Variants in GPSM2 observed in about 807,000 individuals in gnomAD.
GPSM2 encodes G protein signaling modulator 2, also known as G protein-signaling modulator 2.
A neutral mutation model predicts 78.4 loss-of-function variants in GPSM2; 58 were observed. The ratio of observed to expected loss-of-function variants is 0.74; its 90% confidence interval spans 0.60 to 0.92. The LOEUF is 0.92. Among genes scored for constraint, GPSM2 ranks in the 40% least tolerant of loss-of-function variants. The pLI is 0.00. For synonymous variants in GPSM2, 224 were observed against 280.2 expected (o/e 0.80, Z 2.00); for missense variants, 700 against 815.5 (o/e 0.86, Z 1.73).
At chr1:108,928,832 A>C (rs1397206882) in intron 14 of GPSM2, among the ~76,000 whole-genome samples, 4 of 152,056 alleles carry the variant, frequency 2.6e-5, no homozygotes, top group Non-Finnish European at 1.5e-5. Context: ...TCTACTAAAA[A>C]TACAAAAATT....
intron 2 of GPSM2, among the ~76,000 whole-genome samples, chr1:108,895,629 G>C (rs1648297699): frequency 6.6e-6 from 1 of 152,120 alleles, no homozygotes; most frequent in African/African-American, 2.4e-5. Flanking sequence ...CCTTATGAGA[G>C]TTTAATGCCT....
chr1:108,916,078 C>CAAAAA (rs59651066), intron 11 of GPSM2, among the ~76,000 whole-genome samples: 6 of 105,180 alleles, frequency 5.7e-5, no homozygotes, highest in African/African-American at 1.9e-4. Context: ...CCTGTCTATA[C>CAAAAA]AAAAAAAAAA....
chr1:108,895,245 A>G (rs977114971), intron 2 of GPSM2, among the ~76,000 whole-genome samples: 7 of 152,198 alleles, frequency 4.6e-5, no homozygotes, highest in African/African-American at 1.7e-4. Context: ...CAACTGCTCT[A>G]TTGGAGTGGC....
intron 12 of GPSM2, 59 bp from the exon 13 acceptor site, chr1:108,922,358 A>G (rs1418879735): frequency 4.0e-6 from 5 of 1,237,192 alleles, no homozygotes; most frequent in Non-Finnish European, 6.0e-6. Flanking sequence ...ATGTTCATTG[A>G]TGATCTAAAG....
intron 13 of GPSM2, 115 bp from the exon 14 acceptor site, chr1:108,923,885 G>C: frequency 1.3e-6 from 1 of 757,676 alleles, no homozygotes; most frequent in Non-Finnish European, 2.4e-6. Flanking sequence ...GGGCAGGGCG[G>C]GTCTTGGGAC....
chr1:108,913,087 T>C (rs1186250622), intron 10 of GPSM2, among the ~76,000 whole-genome samples: 16 of 152,102 alleles, frequency 1.1e-4, no homozygotes, highest in Admixed American at 1.0e-3. Context: ...TCTTGTGTGG[T>C]ATTGATGGGA....
At position 108,930,439 on chromosome 1, in the gene GPSM2, T is replaced by A. The variant is rs1447208685; in HGVS notation, c.*499T>A. On this transcript the variant is annotated 3_prime_UTR_variant, in exon 15 of 15. Coordinates refer to ENST00000264126, the MANE Select transcript of GPSM2 (RefSeq NM_013296.5). ...TTTCCTCCATGAAAATCTGTTTTTTTAGGCCAAAGTCAGTATAAAAGAAAC... is the reference window on the plus strand; with the variant it reads ...TTTCCTCCATGAAAATCTGTTTTTTAAGGCCAAAGTCAGTATAAAAGAAAC... 6.5e-6 allele frequency: 1 copy of A among 154,418 alleles called. No individual in the cohort carries two copies. Among genetic ancestry groups the A allele is most frequent in the Non-Finnish European group, 1.4e-5 (1 of 69,626 alleles). The allele number at this position is 154,418 out of a possible 1,614,324, so 9.6% of individuals were successfully genotyped here.
intron 1 of GPSM2, among the ~76,000 whole-genome samples, chr1:108,885,028 G>A (rs1172269300): frequency 6.6e-6 from 1 of 151,940 alleles, no homozygotes; most frequent in East Asian, 1.9e-4. Context: ...TTTGTTTATA[G>A]CAGAAAATAT....
chr1:108,933,800 T>C lies in GPSM2; in HGVS notation c.*3860T>C, dbSNP rs1186416843. The C allele has an allele frequency of 2.0e-5, 3 of 152,232 alleles. No homozygotes were observed. The highest frequency in any genetic ancestry group is 7.2e-5 in the African/African-American group (3 of 41,470). 9.4% of individuals were successfully genotyped at this position (152,232 alleles called of 1,614,324 possible). On this transcript the variant is annotated 3_prime_UTR_variant, in exon 15 of 15. Transcript: ENST00000264126. ...AGTTAAGGAAGACACCCAACTCTCT[T>C]CTTCCTCATCATGGTATTCTCTATG...
chr1:108,890,039 A>G (rs188546548), intron 2 of GPSM2, among the ~76,000 whole-genome samples: 1 of 152,146 alleles, frequency 6.6e-6, no homozygotes, highest in East Asian at 1.9e-4. Flanking sequence ...CTACTCTAAG[A>G]TACAGCTCGG....
At chr1:108,906,616 C>A (rs1177223598) in intron 10 of GPSM2, among the ~76,000 whole-genome samples, 2 of 151,334 alleles carry the variant, frequency 1.3e-5, no homozygotes, top group African/African-American at 4.9e-5. Context: ...GTGGCTCACG[C>A]CTGTAATCCC....
At chr1:108,917,961 A>T (rs1031061621) in intron 11 of GPSM2, among the ~76,000 whole-genome samples, 1 of 152,020 alleles carries the variant, frequency 6.6e-6, no homozygotes, top group African/African-American at 2.4e-5. Flanking sequence ...TGTGTCACTA[A>T]AATTATTACA....
intron 9 of GPSM2, among the ~76,000 whole-genome samples, chr1:108,903,600 G>C (rs1238411224): frequency 1.3e-5 from 2 of 152,126 alleles, no homozygotes; most frequent in African/African-American, 4.8e-5. Flanking sequence ...CTGGCTATTT[G>C]AGCTTGGAAA....
In GPSM2 at chr1:108,930,418, C is replaced by G. The variant is rs1271710740; in HGVS notation, c.*478C>G. ...TACTAAAAATCTAGGTTTTTTTTTC[C>G]TCCATGAAAATCTGTTTTTTTAGGC... On this transcript the variant is annotated 3_prime_UTR_variant, in exon 15 of 15. Transcript: ENST00000264126. 1 of 153,090 alleles carries G rather than the reference C, an allele frequency of 6.5e-6. No homozygotes were observed. The highest frequency in any genetic ancestry group is 2.4e-5 in the African/African-American group (1 of 41,262). 9.5% of individuals were successfully genotyped at this position (153,090 alleles called of 1,614,324 possible).
chr1:108,897,832 G>A, intron 4 of GPSM2, 127 bp from the exon 5 acceptor site: 2 of 961,616 alleles, frequency 2.1e-6, no homozygotes, highest in Non-Finnish European at 3.2e-6. Context: ...TTATTTGATT[G>A]GTTCTGTATG....
At chr1:108,900,517 G>A (rs1648727481) in intron 7 of GPSM2, among the ~76,000 whole-genome samples, 1 of 152,192 alleles carries the variant, frequency 6.6e-6, no homozygotes, top group Non-Finnish European at 1.5e-5. Context: ...GGGATTACAG[G>A]CGTGAACCAC....
intron 11 of GPSM2, among the ~76,000 whole-genome samples, chr1:108,916,076 T>TAAAA (rs1481339837): frequency 2.6e-5 from 2 of 76,608 alleles, no homozygotes; most frequent in African/African-American, 1.6e-4. Flanking sequence ...AACCTGTCTA[T>TAAAA]ACAAAAAAAA....
At chr1:108,905,882 T>C (rs943336481) in intron 10 of GPSM2, among the ~76,000 whole-genome samples, 1 of 152,226 alleles carries the variant, frequency 6.6e-6, no homozygotes, top group Non-Finnish European at 1.5e-5. Context: ...TTAATATTAC[T>C]TAACTTTGGT....
chr1:108,927,013 T>C (rs1428040363), intron 14 of GPSM2: 1 of 152,188 alleles, frequency 6.6e-6, no homozygotes, highest in Non-Finnish European at 1.5e-5. Context: ...GTTTATACAC[T>C]AACAATGAAC....
Sources: allele counts gnomAD v4.1 joint callset (sites outside exome capture counted in the v4.1 genomes callset), GRCh38; gene constraint gnomAD v4.1.1; transcripts MANE v1.5; gene names NCBI Gene and HGNC (gene_info 2026-07-23, HGNC 2026-07-21).